GRID1: variants seen among roughly 807,000 people sequenced by gnomAD.
The protein encoded by GRID1 is glutamate ionotropic receptor delta type subunit 1.
A neutral mutation model predicts 98.0 loss-of-function variants in GRID1; 28 were observed. The observed-to-expected ratio is 0.29, with a 90% confidence interval of 0.21 to 0.39. The LOEUF (loss-of-function observed/expected upper bound fraction) is 0.39. GRID1 is among the 10% of genes least tolerant of loss of function. GRID1 has a pLI of 1.00. For missense variants in GRID1, 1,111 were observed against 1,340.5 expected, an observed-to-expected ratio of 0.83 and a Z score of 2.67; for synonymous variants, 553 against 538.5, an observed-to-expected ratio of 1.03 and a Z score of -0.37.
chr10:86,290,552 C>G (rs113832571), intron 2 of GRID1, among the ~76,000 whole-genome samples: 5,432 of 152,222 alleles, frequency 0.036, 159 homozygotes, highest in African/African-American at 0.073. Context: ...ACTCAGGAGG[C>G]TGAGGCAGGA....
At position 86,365,445 on chromosome 10, in the gene GRID1, C is replaced by T. The variant is rs1376435935; in HGVS notation, c.79+869G>A. Among the ~76,000 whole-genome samples the T allele has an allele frequency of 3.3e-5, 5 of 151,320 alleles. No homozygotes were observed. The highest frequency in any genetic ancestry group is 6.6e-5 in the Admixed American group (1 of 15,194). ...CTCCCAACTCCCACCCACTCCCCCTCGGCGCGCCCACTCCCCCTCGGCGCG... is the reference window on the plus strand; with the variant it reads ...CTCCCAACTCCCACCCACTCCCCCTTGGCGCGCCCACTCCCCCTCGGCGCG... On this transcript the variant is annotated intron_variant, in intron 1 of 15. Transcript: ENST00000327946. The surrounding 1 kb of genome is among the most constrained non-coding windows in gnomAD (Gnocchi z 4.8).
rs1349930495 is a variant in GRID1, at chr10:85,600,227, C to T, written c.*2046G>A. 1 of 152,334 alleles carries T rather than the reference C, an allele frequency of 6.6e-6. No individual in the cohort carries two copies. Among genetic ancestry groups the T allele is most frequent in the African/African-American group, 2.4e-5 (1 of 41,430 alleles). The allele number at this position is 152,334 out of a possible 1,614,324, so 9.4% of individuals were successfully genotyped here. A position where few individuals can be genotyped will look rare whatever the true frequency, so the allele number is the denominator to read the frequency against. The stretch of plus-strand genomic sequence containing the variant: ...TCTTCCTCGGGGTCATGGTAGCCCA[C>T]CTAGGCTTCTCTGAGCATGCCTGGC... On this transcript the variant is annotated 3_prime_UTR_variant, in exon 16 of 16. Coordinates refer to ENST00000327946, the MANE Select transcript of GRID1 (RefSeq NM_017551.3).
intron 2 of GRID1, among the ~76,000 whole-genome samples, chr10:86,242,416 G>A (rs1406357801): frequency 6.6e-6 from 1 of 152,176 alleles, no homozygotes; most frequent in Non-Finnish European, 1.5e-5. Flanking sequence ...GCTGAGGGCT[G>A]CCACACTTCC....
intron 8 of GRID1, among the ~76,000 whole-genome samples, chr10:85,771,401 G>T (rs561740294): frequency 7.0e-4 from 106 of 152,266 alleles, no homozygotes; most frequent in Non-Finnish European, 1.2e-3. Flanking sequence ...AGGCTAGGAA[G>T]AAACTGCATC....
chr10:85,981,973 G>C (rs1220814365), intron 4 of GRID1, among the ~76,000 whole-genome samples: 1 of 152,170 alleles, frequency 6.6e-6, no homozygotes, highest in Non-Finnish European at 1.5e-5. Flanking sequence ...CACCAAGAAG[G>C]CAAGGAAACC....
intron 3 of GRID1, among the ~76,000 whole-genome samples, chr10:86,184,813 AG>A (rs1845706310): frequency 6.6e-6 from 1 of 152,234 alleles, no homozygotes. Flanking sequence ...ACTGCAGTAT[AG>A]AAACATCAAT....
chr10:85,934,413 G>GACACACACAC (rs5786728), intron 4 of GRID1, among the ~76,000 whole-genome samples: 12 of 141,506 alleles, frequency 8.5e-5, no homozygotes, highest in South Asian at 4.9e-4. Flanking sequence ...GCAGAGATTG[G>GACACACACAC]ACACACACAC....
chr10:86,011,537 T>C (rs923130673), intron 4 of GRID1, among the ~76,000 whole-genome samples: 1 of 151,882 alleles, frequency 6.6e-6, no homozygotes, highest in Non-Finnish European at 1.5e-5. Flanking sequence ...TCTGTATAAA[T>C]GAAGGAAAGA....
intron 2 of GRID1, among the ~76,000 whole-genome samples, chr10:86,286,920 C>T (rs1029539927): frequency 1.4e-4 from 22 of 152,236 alleles, no homozygotes; most frequent in African/African-American, 4.3e-4. Context: ...GTATGACCAC[C>T]ACTGCCTGGG....
At chr10:86,265,585 T>TAAAA (rs1188698151) in intron 2 of GRID1, among the ~76,000 whole-genome samples, 11 of 152,192 alleles carry the variant, frequency 7.2e-5, no homozygotes, top group Non-Finnish European at 1.2e-4. Flanking sequence ...CACAGATGTG[T>TAAAA]TCTCACCCCA....
intron 12 of GRID1, among the ~76,000 whole-genome samples, chr10:85,656,669 A>G (rs1193172107): frequency 6.6e-6 from 1 of 152,188 alleles, no homozygotes; most frequent in Non-Finnish European, 1.5e-5. Context: ...TGTAGCCAAG[A>G]GCCTTGAAAT....
At chr10:85,840,715 T>C (rs1026907158) in intron 8 of GRID1, among the ~76,000 whole-genome samples, 1 of 152,066 alleles carries the variant, frequency 6.6e-6, no homozygotes, top group African/African-American at 2.4e-5. Context: ...GAGAGCACAA[T>C]CAAGAACATA....
intron 4 of GRID1, among the ~76,000 whole-genome samples, chr10:86,061,535 G>T (rs1390910427): frequency 2.0e-5 from 3 of 152,190 alleles, no homozygotes; most frequent in Non-Finnish European, 4.4e-5. Flanking sequence ...AGAAAAGCCA[G>T]TGAGATGCAG....
intron 12 of GRID1, among the ~76,000 whole-genome samples, chr10:85,653,019 CT>C (rs1451789278): frequency 2.6e-5 from 4 of 152,182 alleles, no homozygotes; most frequent in Admixed American, 2.6e-4. Context: ...GGTCAGCAAA[CT>C]TTCTGGAAAG....
rs566807685 is a variant in GRID1, at chr10:86,268,872, T to G, written c.236-62224A>C. On this transcript the variant is annotated intron_variant, in intron 2 of 15. Coordinates refer to ENST00000327946, the MANE Select transcript of GRID1 (RefSeq NM_017551.3). ...TGGGTGTGGTGGCACATGCCTGTAGTCCCAGCTACTTGGGAGGCTGAGGCA... is the reference window on the plus strand; with the variant it reads ...TGGGTGTGGTGGCACATGCCTGTAGGCCCAGCTACTTGGGAGGCTGAGGCA... Among the ~76,000 whole-genome samples, 4 of 152,250 alleles carry G rather than the reference T, an allele frequency of 2.6e-5. No individual in the cohort carries two copies. The South Asian group carries it at 8.3e-4, about 32-fold the overall frequency.
intron 12 of GRID1, among the ~76,000 whole-genome samples, chr10:85,696,476 T>C (rs1293012067): frequency 6.6e-6 from 1 of 152,038 alleles, no homozygotes; most frequent in Non-Finnish European, 1.5e-5. Context: ...ATTCATGATG[T>C]TCAAGGAGCA....
At chr10:86,023,926 T>C (rs1843082586) in intron 4 of GRID1, among the ~76,000 whole-genome samples, 1 of 152,112 alleles carries the variant, frequency 6.6e-6, no homozygotes, top group African/African-American at 2.4e-5. Flanking sequence ...TATACAAAAA[T>C]AATAATCATC....
intron 4 of GRID1, among the ~76,000 whole-genome samples, chr10:86,056,590 C>T (rs577522073): frequency 3.9e-5 from 6 of 152,290 alleles, no homozygotes; most frequent in African/African-American, 1.4e-4. Flanking sequence ...ACACAGTTAA[C>T]ATAGCACAGA....
At chr10:86,336,676 T>G (rs1010362008) in intron 2 of GRID1, among the ~76,000 whole-genome samples, 1 of 152,174 alleles carries the variant, frequency 6.6e-6, no homozygotes, top group African/African-American at 2.4e-5. Flanking sequence ...AATGATTAGG[T>G]GACAAACCTC....
Sources: gnomAD v4.1 joint callset for allele counts (sites outside exome capture counted in the v4.1 genomes callset) on GRCh38, gnomAD v4.1.1 for gene constraint, Gnocchi (gnomAD v3.1) non-coding constraint, MANE v1.5 for transcripts, NCBI Gene and HGNC (gene_info 2026-07-23, HGNC 2026-07-21) for gene names.